SERP2: variants seen among roughly 807,000 people sequenced by gnomAD.
SERP2 encodes the protein stress associated endoplasmic reticulum protein family member 2.
In SERP2, 6 loss-of-function variants were observed where a neutral mutation model predicts 9.1. The observed-to-expected ratio is 0.66, with a 90% CI of 0.36 to 1.30. SERP2 has a LOEUF of 1.30. SERP2 is among the 50% of genes most tolerant of loss of function. The probability of loss-of-function intolerance (pLI) is 0.03; values close to 1 mark genes in which losing one functional copy is unlikely to be tolerated. For synonymous variants in SERP2, 37 were observed against 27.3 expected (o/e 1.35, Z -1.10); for missense variants, 58 against 81.9 (o/e 0.71, Z 1.13).
At chr13:44,378,873 T>C (rs528066118) in intron 1 of SERP2, among the ~76,000 whole-genome samples, 2 of 152,336 alleles carry the variant, frequency 1.3e-5, no homozygotes, top group South Asian at 2.1e-4. Flanking sequence ...GCTTCATTCA[T>C]GCAGTTTTGA....
chr13:44,394,918 A>G (rs1872997324), intron 2 of SERP2, among the ~76,000 whole-genome samples: 1 of 152,246 alleles, frequency 6.6e-6, no homozygotes, highest in Non-Finnish European at 1.5e-5. Context: ...TCCCTGTGAC[A>G]GCCCTGCAAA....
chr13:44,391,329 T>C (rs1273400412), intron 2 of SERP2, among the ~76,000 whole-genome samples: 1 of 152,250 alleles, frequency 6.6e-6, no homozygotes, highest in Non-Finnish European at 1.5e-5. Flanking sequence ...TGCTGACTCT[T>C]TGGGTTTGCA....
chr13:44,381,310 G>C (rs547443883), intron 2 of SERP2, among the ~76,000 whole-genome samples: 2 of 151,798 alleles, frequency 1.3e-5, no homozygotes, highest in Admixed American at 6.6e-5. Flanking sequence ...GGGAGGCCGA[G>C]GTGGGGAGGA....
rs1872036720 is a variant in SERP2 at position 44,382,390 on chromosome 13, T to C, written c.157+2677T>C. ...AGGTGGAGCTTGCAGTGAGCCGAGA[T>C]TGTGCCACTGCACTCCAGCCTGGGC... On this transcript the variant is annotated intron_variant, in intron 2 of 2. Transcript: ENST00000379179. Among the ~76,000 whole-genome samples the C allele has an allele frequency of 4.8e-5, 7 of 146,230 alleles. No individual in the cohort carries two copies. The South Asian group carries it at 1.5e-3, about 32-fold the overall frequency.
chr13:44,391,107 G>C (rs1872728422), intron 2 of SERP2: 1 of 152,144 alleles, frequency 6.6e-6, no homozygotes, highest in African/African-American at 2.4e-5. Context: ...TTACCTGGCA[G>C]GGTTCCAGCT....
At chr13:44,394,937 T>C (rs1263303029) in intron 2 of SERP2, among the ~76,000 whole-genome samples, 2 of 152,222 alleles carry the variant, frequency 1.3e-5, no homozygotes, top group Non-Finnish European at 2.9e-5. Context: ...AAGGCCATGA[T>C]CCTCATTTTA....
intron 2 of SERP2, among the ~76,000 whole-genome samples, chr13:44,381,238 CA>C (rs58535681): frequency 0.17 from 7,801 of 46,048 alleles, 197 homozygotes; most frequent in African/African-American, 0.25. Flanking sequence ...AACTCCGTCT[CA>C]AAAAAAAAAA....
intron 1 of SERP2, among the ~76,000 whole-genome samples, chr13:44,377,990 G>A (rs1871759507): frequency 6.6e-6 from 1 of 152,162 alleles, no homozygotes; most frequent in African/African-American, 2.4e-5. Context: ...AATAAATATA[G>A]ACCTACAAAC....
intron 2 of SERP2, among the ~76,000 whole-genome samples, chr13:44,382,971 A>G (rs1020639121): frequency 6.6e-6 from 1 of 152,190 alleles, no homozygotes; most frequent in Non-Finnish European, 1.5e-5. Context: ...AGCAGAAGAG[A>G]AAGTTTCCAA....
Position 44,397,647 on chromosome 13 carries a change from T to TTTC in SERP2, c.*337_*339dup, listed in dbSNP as rs71789975. The TTTC allele has an allele frequency of 0.051, 18,930 of 369,510 alleles. 681 individuals carry two copies. Among genetic ancestry groups the TTTC allele is most frequent in the African/African-American group, 0.1 (4,986 of 47,898 alleles). The allele number at this position is 369,510 out of a possible 1,614,324, so 22.9% of individuals were successfully genotyped here. ...GCCCTCTGAACGATCACTGGTTTAC[T>TTTC]TTCTATGGATACAATCTCTCCTCCA... On this transcript the variant is annotated 3_prime_UTR_variant, in exon 3 of 3. Coordinates refer to ENST00000379179, the MANE Select transcript of SERP2 (RefSeq NM_001010897.3).
intron 2 of SERP2, 27 bp from the exon 3 acceptor site, chr13:44,397,245 T>A: frequency 2.5e-6 from 4 of 1,610,396 alleles, no homozygotes; most frequent in Non-Finnish European, 3.4e-6. Context: ...GTCTGGTGTC[T>A]GAGCTGTGGT....
chr13:44,395,287 T>C (rs1863070410), intron 2 of SERP2, among the ~76,000 whole-genome samples: 1 of 152,180 alleles, frequency 6.6e-6, no homozygotes, highest in South Asian at 2.1e-4. Context: ...TGTAGGGTAC[T>C]TTCTCTTCCA....
intron 2 of SERP2, among the ~76,000 whole-genome samples, chr13:44,389,061 G>A (rs1216493394): frequency 2.6e-5 from 4 of 152,244 alleles, no homozygotes; most frequent in African/African-American, 9.6e-5. Context: ...AGGTTGAGGA[G>A]CCAGAATGAA....
chr13:44,382,353 C>T (rs140453478), intron 2 of SERP2, among the ~76,000 whole-genome samples: 2,011 of 139,914 alleles, frequency 0.014, 24 homozygotes, highest in African/African-American at 0.048. Flanking sequence ...AGGAGAATGG[C>T]GTGAACCAGG....
At chr13:44,376,035 G>A (rs1174223809) in intron 1 of SERP2, among the ~76,000 whole-genome samples, 1 of 152,188 alleles carries the variant, frequency 6.6e-6, no homozygotes, top group Admixed American at 6.5e-5. Flanking sequence ...TCATGGGGTG[G>A]CCCCCAAGAA....
chr13:44,388,246 T>TTG (rs763614584), intron 2 of SERP2, among the ~76,000 whole-genome samples: 2 of 144,936 alleles, frequency 1.4e-5, no homozygotes, highest in Non-Finnish European at 3.0e-5. Flanking sequence ...CTGTTTGCAT[T>TTG]TGTGTGTGTG....
chr13:44,382,058 C>A (rs758308749), intron 2 of SERP2, among the ~76,000 whole-genome samples: 23 of 151,606 alleles, frequency 1.5e-4, no homozygotes, highest in Admixed American at 7.2e-4. Flanking sequence ...ATTCCTCATA[C>A]TGTAGATATC....
chr13:44,381,313 G>T (rs1871964424), intron 2 of SERP2, among the ~76,000 whole-genome samples: 1 of 151,656 alleles, frequency 6.6e-6, no homozygotes, highest in Non-Finnish European at 1.5e-5. Context: ...AGGCCGAGGT[G>T]GGGAGGATCA....
chr13:44,395,183 G>A (rs1329992972), intron 2 of SERP2, among the ~76,000 whole-genome samples: 1 of 152,102 alleles, frequency 6.6e-6, no homozygotes, highest in African/African-American at 2.4e-5. Flanking sequence ...TTCCTATTGA[G>A]CCAGAATACA....
Sources: gnomAD v4.1 joint callset for allele counts (sites outside exome capture counted in the v4.1 genomes callset) on GRCh38, gnomAD v4.1.1 for gene constraint, MANE v1.5 for transcripts, NCBI Gene and HGNC (gene_info 2026-07-23, HGNC 2026-07-21) for gene names.